The following NRXN3 variants were observed in gnomAD, a reference collection of about 807,000 sequenced individuals.
NRXN3 encodes neurexin III.
In NRXN3, 32 loss-of-function variants were observed where a neutral mutation model predicts 137.6. That is an observed-to-expected ratio of 0.23 (90% confidence interval 0.18 to 0.31). NRXN3 has a LOEUF of 0.31. Among genes scored for constraint, NRXN3 ranks in the 10% least tolerant of loss-of-function variants. The pLI is 1.00. For missense variants in NRXN3, 1,574 were observed against 2,062.5 expected, an observed-to-expected ratio of 0.76 and a Z score of 4.59; for synonymous variants, 798 against 784.5, an observed-to-expected ratio of 1.02 and a Z score of -0.29.
chr14:78,211,859 G>A (rs74063988), intron 1 of NRXN3, among the ~76,000 whole-genome samples: 2,260 of 152,312 alleles, frequency 0.015, 70 homozygotes, highest in African/African-American at 0.052. Flanking sequence ...GGGAATCACT[G>A]TTGTCTTCAT....
At chr14:79,111,069 C>T (rs1389269957) in intron 15 of NRXN3, among the ~76,000 whole-genome samples, 1 of 151,956 alleles carries the variant, frequency 6.6e-6, no homozygotes, top group Non-Finnish European at 1.5e-5. Flanking sequence ...GGAGTACAGG[C>T]GTGAGCCACT....
At chr14:78,409,429 G>A (rs1472445645) in intron 4 of NRXN3, among the ~76,000 whole-genome samples, 2 of 152,220 alleles carry the variant, frequency 1.3e-5, no homozygotes, top group African/African-American at 4.8e-5. Flanking sequence ...TGGTCAGGGA[G>A]TAAGGGAGAT....
At chr14:79,154,814 A>G (rs1359676331) in intron 15 of NRXN3, among the ~76,000 whole-genome samples, 2 of 151,992 alleles carry the variant, frequency 1.3e-5, no homozygotes, top group Non-Finnish European at 2.9e-5. Flanking sequence ...TTTTATGGTA[A>G]TGAAACGTAA....
chr14:78,287,121 C>T (rs901641722), intron 3 of NRXN3, among the ~76,000 whole-genome samples: 3 of 152,152 alleles, frequency 2.0e-5, no homozygotes, highest in Admixed American at 2.0e-4. Context: ...GTTTGAGAAT[C>T]ACTGTTTTAA....
chr14:79,005,820 A>C (rs2099551391), intron 15 of NRXN3, among the ~76,000 whole-genome samples: 3 of 151,784 alleles, frequency 2.0e-5, no homozygotes, highest in Non-Finnish European at 2.9e-5. Context: ...TGATTATTTT[A>C]CTTGTACATT....
At position 79,365,725 on chromosome 14, in the gene NRXN3, C is replaced by CAAAAAAAAAAAAAAAAAAAAAA. The variant is rs569855024; in HGVS notation, c.3263-101477_3263-101476insAAAAAAAAAAAAAAAAAAAAAA. Among the ~76,000 whole-genome samples, 10 of 42,382 alleles carry CAAAAAAAAAAAAAAAAAAAAAA rather than the reference C, an allele frequency of 2.4e-4. 1 individual carries two copies. The highest frequency in any genetic ancestry group is 6.7e-4 in the East Asian group (1 of 1,490). The allele number at this position is 42,382 out of a possible 152,430, so 27.8% of individuals were successfully genotyped here. A position where few individuals can be genotyped will look rare whatever the true frequency, so the allele number is the denominator to read the frequency against. ...TGGGCGACAGAGCGAGACTCTGTCTCAAAAAAAAAAAAAAAAAAAGAAAAA... is the reference window on the plus strand; with the variant it reads ...TGGGCGACAGAGCGAGACTCTGTCTCAAAAAAAAAAAAAAAAAAAAAAAAAAAAAAAAAAAAAAAAAGAAAAA... On this transcript the variant is annotated intron_variant, in intron 15 of 20. Coordinates refer to ENST00000335750, the MANE Select transcript of NRXN3 (RefSeq NM_001330195.2).
chr14:79,209,872 C>A (rs1431870306), intron 15 of NRXN3, among the ~76,000 whole-genome samples: 1 of 152,144 alleles, frequency 6.6e-6, no homozygotes, highest in Non-Finnish European at 1.5e-5. Flanking sequence ...TAGTACAACA[C>A]TGTTAAGAGA....
chr14:78,286,240 C>T (rs941098387), intron 3 of NRXN3, among the ~76,000 whole-genome samples: 1 of 152,190 alleles, frequency 6.6e-6, no homozygotes, highest in South Asian at 2.1e-4. Flanking sequence ...GTGTTGAGGG[C>T]AGCAGTGGCA....
rs142384072 is a variant in NRXN3 at position 78,212,755 on chromosome 14, G to A, written c.-703-29636G>A. Among the ~76,000 whole-genome samples the A allele has an allele frequency of 3.5e-3, 537 of 152,202 alleles. 3 individuals are homozygous for A. Among genetic ancestry groups the A allele is most frequent in the African/African-American group, 0.012 (515 of 41,508 alleles). On this transcript the variant is annotated intron_variant, in intron 1 of 20. Coordinates refer to ENST00000335750, the MANE Select transcript of NRXN3 (RefSeq NM_001330195.2). ...TCCAGATCTTTAGTTGTTTTTAATG[G>A]TAATAGCCTGCCATTACCAGAAAGA...
At chr14:78,949,539 GT>G (rs2099382713) in intron 10 of NRXN3, among the ~76,000 whole-genome samples, 1 of 151,752 alleles carries the variant, frequency 6.6e-6, no homozygotes, top group African/African-American at 2.4e-5. Flanking sequence ...GCCATGCTTA[GT>G]TGTTGGGGAT....
intron 19 of NRXN3, among the ~76,000 whole-genome samples, chr14:79,774,018 G>T (rs371456442): frequency 6.6e-6 from 1 of 152,064 alleles, no homozygotes; most frequent in Non-Finnish European, 1.5e-5. Flanking sequence ...GGAAAATTGG[G>T]TGGGTAGATA....
In NRXN3 at chr14:78,768,075, C is replaced by CAA. The variant is rs79591478; in HGVS notation, c.2045-35528_2045-35527dup. Among the ~76,000 whole-genome samples, 279 of 81,614 alleles carry CAA rather than the reference C, an allele frequency of 3.4e-3. 2 individuals carry two copies. Among genetic ancestry groups the CAA allele is most frequent in the African/African-American group, 0.011 (258 of 23,824 alleles). 53.5% of individuals were successfully genotyped at this position (81,614 alleles called of 152,430 possible). A position where few individuals can be genotyped will look rare whatever the true frequency, so the allele number is the denominator to read the frequency against. ...CATAATCGAAAACAAATGTGTTTAC[C>CAA]AAAAAAAAAAAAAAAAAAGTACAGA... On this transcript the variant is annotated intron_variant, in intron 8 of 20. Coordinates refer to ENST00000335750, the MANE Select transcript of NRXN3 (RefSeq NM_001330195.2).
intron 4 of NRXN3, among the ~76,000 whole-genome samples, chr14:78,453,188 G>A (rs538986264): frequency 6.6e-6 from 1 of 152,254 alleles, no homozygotes; most frequent in East Asian, 1.9e-4. Flanking sequence ...TCCACTGTTA[G>A]GGATGTATTA....
intron 2 of NRXN3, among the ~76,000 whole-genome samples, chr14:78,258,354 C>T (rs138101094): frequency 6.6e-5 from 10 of 151,152 alleles, no homozygotes; most frequent in African/African-American, 1.2e-4. Context: ...TTGATTTGGC[C>T]GTTATCCTGC....
intron 10 of NRXN3, among the ~76,000 whole-genome samples, chr14:78,918,281 A>G (rs2152813015): frequency 8.0e-6 from 1 of 124,752 alleles, no homozygotes; most frequent in Admixed American, 8.3e-5. Context: ...GCGAAACTCC[A>G]TCTCAAAAAA....
intron 16 of NRXN3, among the ~76,000 whole-genome samples, chr14:79,541,420 G>T (rs2097271470): frequency 6.6e-6 from 1 of 152,044 alleles, no homozygotes; most frequent in South Asian, 2.1e-4. Flanking sequence ...AAAGATACTT[G>T]CCATTGGATT....
chr14:78,810,109 G>A (rs2098902242), intron 9 of NRXN3, among the ~76,000 whole-genome samples: 1 of 150,884 alleles, frequency 6.6e-6, no homozygotes, highest in African/African-American at 2.4e-5. Flanking sequence ...ATATGTGTGT[G>A]TGTGTATATA....
At position 78,753,545 on chromosome 14, in the gene NRXN3, A is replaced by AT. The variant is rs142665551; in HGVS notation, c.2044+38414dup. 5.0e-3 allele frequency among the ~76,000 whole-genome samples: 755 copies of AT among 152,062 alleles called. 17 individuals are homozygous for AT. The East Asian group carries it at 0.06, about 12-fold the overall frequency. On this transcript the variant is annotated intron_variant, in intron 8 of 20. Coordinates refer to ENST00000335750, the MANE Select transcript of NRXN3 (RefSeq NM_001330195.2). ...GGAAAACTTCCTATTGCCCAGTAGC[A>AT]TTTTTTTTATGCTCTCAGTGAATAA...
intron 15 of NRXN3, among the ~76,000 whole-genome samples, chr14:79,308,978 T>C (rs1462986252): frequency 1.5e-5 from 2 of 137,738 alleles, no homozygotes; most frequent in African/African-American, 2.7e-5. Flanking sequence ...ATGTGCACAT[T>C]GTGCAGGTTA....
Sources: allele counts gnomAD v4.1 joint callset (sites outside exome capture counted in the v4.1 genomes callset), GRCh38; gene constraint gnomAD v4.1.1; transcripts MANE v1.5; gene names NCBI Gene and HGNC (gene_info 2026-07-23, HGNC 2026-07-21).